IFFO1: variants seen among roughly 807,000 people sequenced by gnomAD.
IFFO1 encodes the protein intermediate filament family orphan 1.
In IFFO1, 42 loss-of-function variants were observed where a neutral mutation model predicts 59.6. That is an observed-to-expected ratio of 0.70 (90% CI 0.55 to 0.91). The LOEUF (loss-of-function observed/expected upper bound fraction) is 0.91, where lower values mean the gene tolerates loss of function less well. IFFO1 is among the 40% of genes least tolerant of loss of function. The pLI is 0.00. For synonymous variants in IFFO1, 336 were observed against 342.8 expected (o/e 0.98, Z 0.22); for missense variants, 711 against 793.2 (o/e 0.90, Z 1.24).
rs1947093950 is a variant in IFFO1, at chr12:6,548,795, G to T, written c.1135C>A (p.Arg379Ser). Residue 379 changes from arginine to serine, a missense_variant, in exon 6 of 10, where the codon CGC becomes AGC. By Grantham distance (110) the Arg-to-Ser change is moderately radical. Coordinates refer to ENST00000619571, the MANE Select transcript of IFFO1 (RefSeq NM_001193457.2). This position sits in a 1 kb window ranked among gnomAD's most constrained non-coding sequence, Gnocchi z 6.1. ...GTGTCCTCCTCGACGGCAGCCTTGC[G>T]CTCCCGCTTCCGCCCCCCCATGGAT... ...VPSMGGRKRE[R>S]KAAVEEDTSL... 1 of 1,613,736 alleles carries T rather than the reference G, an allele frequency of 6.2e-7. No homozygotes were observed. Among genetic ancestry groups the T allele is most frequent in the African/African-American group, 1.3e-5 (1 of 75,032 alleles).
chr12:6,548,599 G>A lies in IFFO1; in HGVS notation c.1263-54C>T, dbSNP rs1947079524. On this transcript the variant is annotated intron_variant, in intron 6 of 9. Coordinates refer to ENST00000619571, the MANE Select transcript of IFFO1 (RefSeq NM_001193457.2). The surrounding 1 kb of genome is among the most constrained non-coding windows in gnomAD (Gnocchi z 6.1). ...CGGGCGGGGCCTCGTCCTGGCGGGG[G>A]ACTGGGGAGCTCCGGCCTCCTGGGC... The A allele has an allele frequency of 6.2e-7, 1 of 1,613,514 alleles. No individual in the cohort carries two copies. The highest frequency in any genetic ancestry group is 1.3e-5 in the African/African-American group (1 of 74,910).
intron 1 of IFFO1, among the ~76,000 whole-genome samples, chr12:6,552,326 A>C (rs1457802595): frequency 6.6e-6 from 1 of 151,906 alleles, no homozygotes; most frequent in Admixed American, 6.6e-5. Context: ...GAGCAGGAGG[A>C]GGCAGCCAGC....
At position 6,555,251 on chromosome 12, in the gene IFFO1, C is replaced by T. The variant is rs1290095130; in HGVS notation, c.773+6G>A. ...GAGAGACCTGTCCCCCTTTCCCAAT[C>T]CCTACCTCCGCTTGTACTCGTCCCG... is the stretch of plus-strand genomic sequence containing the variant. On this transcript the variant is annotated splice_donor_region_variant and intron_variant, in intron 1 of 9. Coordinates refer to ENST00000619571, the MANE Select transcript of IFFO1 (RefSeq NM_001193457.2). This position sits in a 1 kb window ranked among gnomAD's most constrained non-coding sequence, Gnocchi z 8.6. 1.2e-6 allele frequency: 2 copies of T among 1,614,030 alleles called. No homozygotes were observed. The highest frequency in any genetic ancestry group is 1.3e-5 in the African/African-American group (1 of 75,042).
At chr12:6,551,546 G>T in intron 1 of IFFO1, 2 of 1,141,104 alleles carry the variant, frequency 1.8e-6, no homozygotes, top group Non-Finnish European at 2.3e-6. Flanking sequence ...TCAAGAGCCT[G>T]GTAGGAGACA....
rs1380653190 is a variant in IFFO1 at position 6,548,945 on chromosome 12, AG to A, written c.1081-97del. 28 of 980,204 alleles carry A rather than the reference AG, an allele frequency of 2.9e-5. No individual in the cohort carries two copies. Among genetic ancestry groups the A allele is most frequent in the Non-Finnish European group, 3.3e-5 (22 of 663,632 alleles). The allele number at this position is 980,204 out of a possible 1,614,324, so 60.7% of individuals were successfully genotyped here. A position where few individuals can be genotyped will look rare whatever the true frequency, so the allele number is the denominator to read the frequency against. Reference sequence around the variant, plus strand: ...GGGGGAGAAGCATGAACCAGTAGGAAGGGGGGGCAGACAGAGAGAAAAGTCA... The same window carrying A: ...GGGGGAGAAGCATGAACCAGTAGGAAGGGGGGCAGACAGAGAGAAAAGTCA... On this transcript the variant is annotated intron_variant, in intron 5 of 9. Transcript: ENST00000619571. The surrounding 1 kb of genome is among the most constrained non-coding windows in gnomAD (Gnocchi z 6.1).
At chr12:6,540,615 T>C in intron 9 of IFFO1, 27 bp from the exon 10 acceptor site, 1 of 1,589,336 alleles carries the variant, frequency 6.3e-7, no homozygotes, top group African/African-American at 1.3e-5. Context: ...GTTGTCAACC[T>C]TGGGGCAGGC....
chr12:6,554,766 G>C (rs1403871238), intron 1 of IFFO1, among the ~76,000 whole-genome samples: 2 of 152,204 alleles, frequency 1.3e-5, no homozygotes. Context: ...CAGGTACCTG[G>C]TTTCCATCAA....
At chr12:6,554,957 C>T (rs1430412404) in intron 1 of IFFO1, among the ~76,000 whole-genome samples, 1 of 152,226 alleles carries the variant, frequency 6.6e-6, no homozygotes, top group Admixed American at 6.5e-5. Context: ...AGGGCAGAGC[C>T]CCAGTCCCTT....
In IFFO1 at chr12:6,550,971, C is replaced by G; in HGVS notation, c.804G>C (p.Gln268His). 5.0e-6 allele frequency: 8 copies of G among 1,614,228 alleles called. No individual in the cohort carries two copies. Among genetic ancestry groups the G allele is most frequent in the Non-Finnish European group, 6.8e-6 (8 of 1,180,036 alleles). The change falls in exon 2 of 10, where the codon CAG becomes CAC. Residue 268 changes from glutamine to histidine, a missense_variant. Gln to His is a conservative substitution (Grantham distance 24). Coordinates refer to ENST00000619571, the MANE Select transcript of IFFO1 (RefSeq NM_001193457.2). ...GGAGCTCATTTACACGGTCTTGCAG[C>G]TGGATCCGCACCGTGTACTCCTCTT... ...RWEEEYTVRI[Q>H]LQDRVNELQE...
At chr12:6,551,546 G>A in intron 1 of IFFO1, 1 of 1,141,106 alleles carries the variant, frequency 8.8e-7, no homozygotes, top group Non-Finnish European at 1.2e-6. Context: ...TCAAGAGCCT[G>A]GTAGGAGACA....
Position 6,549,803 on chromosome 12 carries a change from C to A in IFFO1, c.1024G>T (p.Asp342Tyr). 1 of 1,614,194 alleles carries A rather than the reference C, an allele frequency of 6.2e-7. No individual in the cohort carries two copies. Among genetic ancestry groups the A allele is most frequent in the Non-Finnish European group, 8.5e-7 (1 of 1,179,992 alleles). ...TCGCAGTTGCGCTGCTGAGCCACAT[C>A]GCAGAGCTTGGCGGTGATGTCGATG... ...RRIDITAKLC[D>Y]VAQQRNCEDM... is the part of the protein sequence containing the mutation. Residue 342 changes from aspartate to tyrosine, a missense_variant, in exon 4 of 10, where the codon GAT (aspartate) becomes TAT (tyrosine). Asp to Tyr is a radical substitution (Grantham distance 160). Around this residue, in one of 3 missense-constraint regions of IFFO1, gnomAD observed 579 missense variants for 650.3 expected, o/e 0.89. Coordinates refer to ENST00000619571, the MANE Select transcript of IFFO1 (RefSeq NM_001193457.2). This position sits in a 1 kb window ranked among gnomAD's most constrained non-coding sequence, Gnocchi z 5.0.
intron 1 of IFFO1, 47 bp from the exon 2 acceptor site, chr12:6,551,048 C>T (rs533053290): frequency 6.3e-7 from 1 of 1,590,626 alleles, no homozygotes; most frequent in East Asian, 2.2e-5. Flanking sequence ...CAGAGTCCTT[C>T]CCTGCCCCCA....
At position 6,541,268 on chromosome 12, in the gene IFFO1, AG is replaced by A. The variant is rs1367597790; in HGVS notation, c.1610+243del. ...GCCAGTTTTTAAACTGCCTCTAACC[AG>A]GGGAACCACCAGAGCTGGTGGCCTT... is the stretch of plus-strand genomic sequence containing the variant. On this transcript the variant is annotated intron_variant, in intron 9 of 9. Coordinates refer to ENST00000619571, the MANE Select transcript of IFFO1 (RefSeq NM_001193457.2). The surrounding 1 kb of genome is among the most constrained non-coding windows in gnomAD (Gnocchi z 4.8). 2.0e-5 allele frequency among the ~76,000 whole-genome samples: 3 copies of A among 152,142 alleles called. No individual in the cohort carries two copies. Among genetic ancestry groups the A allele is most frequent in the Non-Finnish European group, 4.4e-5 (3 of 68,036 alleles).
intron 8 of IFFO1, among the ~76,000 whole-genome samples, chr12:6,547,482 G>C (rs1337369913): frequency 6.6e-6 from 1 of 152,166 alleles, no homozygotes; most frequent in Non-Finnish European, 1.5e-5. Flanking sequence ...TTGGGAGGCC[G>C]AGGCAGGAGG....
At chr12:6,550,347 T>C in intron 3 of IFFO1, 3 of 424,084 alleles carry the variant, frequency 7.1e-6, no homozygotes, top group East Asian at 8.4e-5. Context: ...ACAATACTCC[T>C]GCAGAGCGCA....
At position 6,539,615 on chromosome 12, in the gene IFFO1, G is replaced by A. The variant is rs549020397; in HGVS notation, c.*868C>T. ...ACAGCCTCCTATACCGAGGCATTGT[G>A]AACCGCATCTCCCCAGCTTCTCCAG... On this transcript the variant is annotated 3_prime_UTR_variant, in exon 10 of 10. Transcript: ENST00000619571. 1.3e-5 allele frequency: 2 copies of A among 152,382 alleles called. No homozygotes were observed. The highest frequency in any genetic ancestry group is 4.1e-4 in the South Asian group (2 of 4,834). The allele number at this position is 152,382 out of a possible 1,614,324, so 9.4% of individuals were successfully genotyped here.
In IFFO1 at chr12:6,550,472, AC is replaced by A. The variant is rs528935245; in HGVS notation, c.930+222del. 1,052 of 572,944 alleles carry A rather than the reference AC, an allele frequency of 1.8e-3. 5 individuals are homozygous for A. The highest frequency in any genetic ancestry group is 2.4e-3 in the Non-Finnish European group (776 of 320,202). 35.5% of individuals were successfully genotyped at this position (572,944 alleles called of 1,614,324 possible). Reference sequence around the variant, plus strand: ...GAAGCTGCTCACTAACTGCTCTGCAACCCCAGGCCCTCAGAAGCTGCGCCAC... The same window carrying A: ...GAAGCTGCTCACTAACTGCTCTGCAACCCAGGCCCTCAGAAGCTGCGCCAC... On this transcript the variant is annotated intron_variant, in intron 3 of 9. Transcript: ENST00000619571.
chr12:6,555,542 G>A lies in IFFO1; in HGVS notation c.488C>T (p.Pro163Leu), dbSNP rs1204546538. Residue 163 changes from proline to leucine, a missense_variant, in exon 1 of 10, where the codon CCG becomes CTG. By Grantham distance (98) the Pro-to-Leu change is moderately conservative. Transcript: ENST00000619571. The surrounding 1 kb of genome is among the most constrained non-coding windows in gnomAD (Gnocchi z 8.6). ...ARVLGSPARS[P>L]AGPLAPSAAS... ...CGCGGAGGGCGCGAGGGGGCCGGCCGGGGAGCGCGCGGGCGAGCCCAGCAC... is the reference window on the plus strand; with the variant it reads ...CGCGGAGGGCGCGAGGGGGCCGGCCAGGGAGCGCGCGGGCGAGCCCAGCAC... The A allele has an allele frequency of 9.8e-6, 15 of 1,538,314 alleles. No individual in the cohort carries two copies. Among genetic ancestry groups the A allele is most frequent in the Non-Finnish European group, 1.3e-5 (15 of 1,144,106 alleles).
In IFFO1 at chr12:6,549,213, G is replaced by A. The variant is rs950506653; in HGVS notation, c.1080+263C>T. ...ACTAAAAAAAAAAAAGCTTTAGGAC[G>A]CAAGGAGGATGAGTGTGCAATGTGT... On this transcript the variant is annotated intron_variant, in intron 5 of 9. Transcript: ENST00000619571. This position sits in a 1 kb window ranked among gnomAD's most constrained non-coding sequence, Gnocchi z 5.0. 4.7e-5 allele frequency: 25 copies of A among 536,906 alleles called. No homozygotes were observed. The highest frequency in any genetic ancestry group is 1.1e-4 in the Admixed American group (3 of 27,974). The allele number at this position is 536,906 out of a possible 1,614,324, so 33.3% of individuals were successfully genotyped here.
Sources: gnomAD v4.1 joint callset for allele counts (sites outside exome capture counted in the v4.1 genomes callset) on GRCh38, gnomAD v4.1.1 for gene constraint, gnomAD v4.1.1 regional missense constraint, Gnocchi (gnomAD v3.1) non-coding constraint, MANE v1.5 for transcripts, NCBI Gene and HGNC (gene_info 2026-07-23, HGNC 2026-07-21) for gene names.